Variants in KMT2C observed in about 807,000 individuals in gnomAD.
KMT2C encodes the protein lysine methyltransferase 2C.
A neutral mutation model predicts 507.9 loss-of-function variants in KMT2C; 88 were observed. The ratio of observed to expected loss-of-function variants is 0.17; its 90% CI spans 0.15 to 0.21. The LOEUF (loss-of-function observed/expected upper bound fraction) is 0.21. Ranked by LOEUF, KMT2C falls within the 10% of genes least tolerant of loss-of-function variation. The pLI is 1.00. For synonymous variants in KMT2C, 2,049 were observed against 2,080.8 expected (o/e 0.98, Z 0.42); for missense variants, 4,954 against 5,957.8 (o/e 0.83, Z 5.55).
chr7:152,360,326 A>C (rs1194190458), intron 1 of KMT2C, among the ~76,000 whole-genome samples: 1 of 151,206 alleles, frequency 6.6e-6, no homozygotes, highest in Non-Finnish European at 1.5e-5. Flanking sequence ...AAAAATACAA[A>C]AATTAGCTGG....
chr7:152,375,578 G>A (rs2097323124), intron 1 of KMT2C, among the ~76,000 whole-genome samples: 2 of 150,864 alleles, frequency 1.3e-5, no homozygotes, highest in Admixed American at 6.7e-5. Flanking sequence ...TAGAGACAGG[G>A]TTTCACCATG....
intron 10 of KMT2C, 105 bp downstream of exon 10, chr7:152,252,441 A>C: frequency 2.3e-6 from 2 of 863,094 alleles, no homozygotes; most frequent in Non-Finnish European, 3.6e-6. Flanking sequence ...GTACTGATGG[A>C]ATTGCTAGAG....
At chr7:152,300,780 C>A (rs2129192881) in intron 6 of KMT2C, among the ~76,000 whole-genome samples, 1 of 152,254 alleles carries the variant, frequency 6.6e-6, no homozygotes, top group Admixed American at 6.5e-5. Context: ...AAAGAGCTGG[C>A]CGGGCACAGT....
chr7:152,388,901 AC>A (rs1316323726), intron 1 of KMT2C, among the ~76,000 whole-genome samples: 1 of 122,334 alleles, frequency 8.2e-6, no homozygotes, highest in Non-Finnish European at 1.9e-5. Flanking sequence ...GGCATGCACC[AC>A]CATGCACAGC....
At position 152,159,034 on chromosome 7, in the gene KMT2C, A is replaced by G. The variant is rs752449731; in HGVS notation, c.11499T>C (p.Cys3833=). The change falls in exon 44 of 59, where the codon TGT becomes TGC. Residue 3833 remains cysteine (C), a synonymous_variant. Transcript: ENST00000262189. ...CATCTGTTTTTGGCAACTGGTTGCC[A>G]CATCCAAAACCACCTTGCATTTGAG... ...LGAQMQGGFG[C]GNQLPKTDGG... 6.2e-6 allele frequency: 10 copies of G among 1,614,072 alleles called. No homozygotes were observed. The Middle Eastern group carries it at 4.9e-4, about 80-fold the overall frequency.
intron 25 of KMT2C, among the ~76,000 whole-genome samples, chr7:152,204,223 G>A (rs902827136): frequency 1.4e-4 from 22 of 152,044 alleles, no homozygotes; most frequent in African/African-American, 4.1e-4. Context: ...GCTTGGACTC[G>A]GGAGGTGAAG....
In KMT2C at chr7:152,203,084, TATAA is replaced by T. The variant is rs779259265; in HGVS notation, c.3962-24_3962-21del. 8 of 1,568,880 alleles carry T rather than the reference TATAA, an allele frequency of 5.1e-6. No individual in the cohort carries two copies. Among genetic ancestry groups the T allele is most frequent in the Non-Finnish European group, 6.9e-6 (8 of 1,160,624 alleles). On this transcript the variant is annotated intron_variant, in intron 25 of 58. Transcript: ENST00000262189. The stretch of plus-strand genomic sequence containing the variant: ...TCCAGCCTGAAACAACAGTCACATT[TATAA>T]ATATGTGACATTTAAAATTTCTAGA...
intron 49 of KMT2C, 120 bp from the exon 50 acceptor site, chr7:152,151,701 T>G (rs1354671542): frequency 1.5e-6 from 1 of 686,376 alleles, no homozygotes; most frequent in Non-Finnish European, 2.2e-6. Flanking sequence ...ATTCTTTAAT[T>G]AATAAAAAAA....
intron 24 of KMT2C, among the ~76,000 whole-genome samples, chr7:152,206,930 A>G (rs1287219830): frequency 1.3e-5 from 2 of 152,192 alleles, no homozygotes; most frequent in South Asian, 2.1e-4. Context: ...TCAAAAAAAG[A>G]TATTAGAAAG....
chr7:152,414,642 C>G (rs1324181517), intron 1 of KMT2C, among the ~76,000 whole-genome samples: 1 of 151,418 alleles, frequency 6.6e-6, no homozygotes, highest in Non-Finnish European at 1.5e-5. Context: ...ATTACAGGCG[C>G]CCGGCATCAT....
At position 152,435,834 on chromosome 7, in the gene KMT2C, G is replaced by A. The variant is rs1003874204; in HGVS notation, c.-48C>T. 3.7e-6 allele frequency: 5 copies of A among 1,339,342 alleles called. No individual in the cohort carries two copies. Among genetic ancestry groups the A allele is most frequent in the Admixed American group, 3.7e-5 (1 of 27,278 alleles). 83.0% of individuals were successfully genotyped at this position (1,339,342 alleles called of 1,614,324 possible). ...TGGATCCCGGTCCTCCTCCTGGGGG[G>A]CTCCCGCCGCCGCGGCCGCCGCCGC... On this transcript the variant is annotated 5_prime_UTR_variant, in exon 1 of 59. Coordinates refer to ENST00000262189, the MANE Select transcript of KMT2C (RefSeq NM_170606.3).
chr7:152,396,084 T>C (rs903344449), intron 1 of KMT2C, among the ~76,000 whole-genome samples: 1 of 152,140 alleles, frequency 6.6e-6, no homozygotes, highest in Non-Finnish European at 1.5e-5. Context: ...AGCTACTAAG[T>C]GTGAGGCTGG....
rs1327155514 is a variant in KMT2C at position 152,148,236 on chromosome 7, T to C, written c.13691A>G (p.Gln4564Arg). Reference sequence around the variant, plus strand: ...AGGAGAATGGAATGCTTGCATCTGCTGTGGAAGCAGCTGACCAATTGTGTG... The same window carrying C: ...AGGAGAATGGAATGCTTGCATCTGCCGTGGAAGCAGCTGACCAATTGTGTG... ...IFHTIGQLLPQQMQAFHSPKA... is the reference protein window; with the variant it reads ...IFHTIGQLLPRQMQAFHSPKA... The change falls in exon 52 of 59, where the codon CAG becomes CGG. Residue 4564 changes from glutamine to arginine, a missense_variant. Gln to Arg is a conservative substitution (Grantham distance 43, BLOSUM62 1). Coordinates refer to ENST00000262189, the MANE Select transcript of KMT2C (RefSeq NM_170606.3). The surrounding 1 kb of genome is among the most constrained non-coding windows in gnomAD (Gnocchi z 7.1). The C allele has an allele frequency of 1.2e-6, 2 of 1,614,248 alleles. No homozygotes were observed. Among genetic ancestry groups the C allele is most frequent in the Non-Finnish European group, 1.7e-6 (2 of 1,180,034 alleles).
At chr7:152,178,990 TA>T (rs919820491) in intron 37 of KMT2C, among the ~76,000 whole-genome samples, 1 of 152,130 alleles carries the variant, frequency 6.6e-6, no homozygotes, top group African/African-American at 2.4e-5. Flanking sequence ...TAAAATTTAT[TA>T]TTATTATTTT....
rs1269405729 is a variant in KMT2C, at chr7:152,163,211, A to C, written c.10366T>G (p.Ser3456Ala). 1 of 1,614,054 alleles carries C rather than the reference A, an allele frequency of 6.2e-7. No homozygotes were observed. Among genetic ancestry groups the C allele is most frequent in the African/African-American group, 1.3e-5 (1 of 74,910 alleles). Residue 3456 changes from serine (S) to alanine (A), a missense_variant, in exon 43 of 59, where the codon TCC becomes GCC. Coordinates refer to ENST00000262189, the MANE Select transcript of KMT2C (RefSeq NM_170606.3). ...TSVSQIPFYS[S>A]DLPCDFMQPL... ...TGCATAAAATCACAAGGTAAGTCGGAACTGTAGAAGGGAATCTGGGACACA... is the reference window on the plus strand; with the variant it reads ...TGCATAAAATCACAAGGTAAGTCGGCACTGTAGAAGGGAATCTGGGACACA...
chr7:152,163,665 A>C lies in KMT2C; in HGVS notation c.9912T>G (p.Phe3304Leu). The change falls in exon 43 of 59, where the codon TTT (phenylalanine) becomes TTG (leucine). Residue 3304 changes from phenylalanine (F) to leucine (L), a missense_variant. This residue lies in a region of KMT2C where 801 missense variants were observed against 751.2 expected (regional missense o/e 1.07). Transcript: ENST00000262189. ...GCTGAAGCTGCTGTGGCACCATGGG[A>C]AAGGTGGGTTGGCTCATGGTGGGTG... is the stretch of plus-strand genomic sequence containing the variant. ...ATPPTMSQPT[F>L]PMVPQQLQHQ... 2 of 1,613,560 alleles carry C rather than the reference A, an allele frequency of 1.2e-6. No individual in the cohort carries two copies. Among genetic ancestry groups the C allele is most frequent in the East Asian group, 4.5e-5 (2 of 44,882 alleles).
intron 1 of KMT2C, among the ~76,000 whole-genome samples, chr7:152,392,452 C>T (rs2097506457): frequency 6.6e-6 from 1 of 152,156 alleles, no homozygotes; most frequent in Non-Finnish European, 1.5e-5. Context: ...TATAACTCAC[C>T]TAGTTAGTTA....
Position 152,238,803 on chromosome 7 carries a change from T to G in KMT2C, c.2556A>C (p.Thr852=). Reference sequence around the variant, plus strand: ...CTGGGGACCAGGAAGGTGGGCTCACTGTATTATGGGTACTCCAAGCCCCCT... The same window carrying G: ...CTGGGGACCAGGAAGGTGGGCTCACGGTATTATGGGTACTCCAAGCCCCCT... ...SKQGAWSTHN[T]VSPPSWSPDI... The change falls in exon 15 of 59, where the codon ACA becomes ACC. Residue 852 remains threonine, a synonymous_variant. Transcript: ENST00000262189. 1 of 1,608,196 alleles carries G rather than the reference T, an allele frequency of 6.2e-7. No homozygotes were observed. The highest frequency in any genetic ancestry group is 1.3e-5 in the African/African-American group (1 of 74,754).
intron 6 of KMT2C, among the ~76,000 whole-genome samples, chr7:152,275,821 A>C (rs1012700458): frequency 5.9e-5 from 9 of 152,214 alleles, no homozygotes; most frequent in Non-Finnish European, 1.2e-4. Flanking sequence ...TAACATAACT[A>C]ATTTCTGCTA....
Sources: gnomAD v4.1 joint callset for allele counts (sites outside exome capture counted in the v4.1 genomes callset) on GRCh38, gnomAD v4.1.1 for gene constraint, gnomAD v4.1.1 regional missense constraint, Gnocchi (gnomAD v3.1) non-coding constraint, MANE v1.5 for transcripts, NCBI Gene and HGNC (gene_info 2026-07-23, HGNC 2026-07-21) for gene names.